STAT3: variants seen among roughly 807,000 people sequenced by gnomAD.
STAT3 encodes signal transducer and activator of transcription 3, also known as DNA-binding protein APRF.
Under a neutral mutation model 114.3 loss-of-function variants are expected in STAT3, and 7 were observed. That is an observed-to-expected ratio of 0.06 (90% CI 0.03 to 0.11). STAT3 has a LOEUF of 0.11. Among genes scored for constraint, STAT3 ranks in the 10% least tolerant of loss-of-function variants. The pLI is 1.00. For missense variants in STAT3, 364 were observed against 960.9 expected (o/e 0.38, Z 8.21); for synonymous variants, 331 against 354.5 (o/e 0.93, Z 0.74).
intron 1 of STAT3, among the ~76,000 whole-genome samples, chr17:42,367,636 C>T (rs374935377): frequency 2.6e-5 from 4 of 152,150 alleles, no homozygotes; most frequent in African/African-American, 7.2e-5. Flanking sequence ...TCTCTTGACA[C>T]CCCTCTATCT....
intron 1 of STAT3, among the ~76,000 whole-genome samples, chr17:42,386,687 T>G (rs1321118586): frequency 1.1e-4 from 17 of 152,180 alleles, no homozygotes; most frequent in Admixed American, 1.1e-3. Context: ...TGCACCACCA[T>G]GCCTGGCACT....
In STAT3 at chr17:42,348,552, G is replaced by A. The variant is rs1222539388; in HGVS notation, c.-23-13C>T. ...TCAGGGGTCCCAACTGTAAACCAAA[G>A]TGTGCATATGTTCACCACAAGTCCC... On this transcript the variant is annotated splice_polypyrimidine_tract_variant and intron_variant, in intron 1 of 23. Transcript: ENST00000264657. 4 of 1,612,212 alleles carry A rather than the reference G, an allele frequency of 2.5e-6. No individual in the cohort carries two copies. The highest frequency in any genetic ancestry group is 3.4e-6 in the Non-Finnish European group (4 of 1,179,886).
chr17:42,325,126 C>A, intron 15 of STAT3, 65 bp from the exon 16 acceptor site: 1 of 1,471,060 alleles, frequency 6.8e-7, no homozygotes. Flanking sequence ...GAAATCTCTT[C>A]ACCCGCATCT....
intron 4 of STAT3, among the ~76,000 whole-genome samples, chr17:42,343,998 G>A (rs2082573252): frequency 6.6e-6 from 1 of 152,060 alleles, no homozygotes; most frequent in Non-Finnish European, 1.5e-5. Context: ...TGCATAGGCT[G>A]GATCCCTCAG....
intron 1 of STAT3, among the ~76,000 whole-genome samples, chr17:42,373,421 A>C (rs1165194447): frequency 1.3e-5 from 2 of 152,028 alleles, no homozygotes; most frequent in Admixed American, 6.6e-5. Flanking sequence ...GTATGGTGGC[A>C]GGCACCTGTA....
rs567989174 is a variant in STAT3 at position 42,352,107 on chromosome 17, G to T, written c.-23-3568C>A. 9.1e-4 allele frequency among the ~76,000 whole-genome samples: 139 copies of T among 152,132 alleles called. 2 individuals are homozygous for T. Among genetic ancestry groups the T allele is most frequent in the African/African-American group, 3.0e-3 (123 of 41,524 alleles). ...TGTAATCCCAGAACTTTGGGAGGCCGAGGCGGGTGGATCACGAGGTCAGGA... is the reference window on the plus strand; with the variant it reads ...TGTAATCCCAGAACTTTGGGAGGCCTAGGCGGGTGGATCACGAGGTCAGGA... On this transcript the variant is annotated intron_variant, in intron 1 of 23. Transcript: ENST00000264657.
At chr17:42,376,706 C>T (rs920478220) in intron 1 of STAT3, among the ~76,000 whole-genome samples, 3 of 151,724 alleles carry the variant, frequency 2.0e-5, no homozygotes, top group African/African-American at 7.3e-5. Flanking sequence ...ATTAGCCGGG[C>T]ATTGTGACGG....
chr17:42,350,553 C>T (rs1318854024), intron 1 of STAT3, among the ~76,000 whole-genome samples: 1 of 152,126 alleles, frequency 6.6e-6, no homozygotes, highest in Non-Finnish European at 1.5e-5. Flanking sequence ...TCCCAAAGTG[C>T]TGGGATTACA....
At chr17:42,388,159 C>T (rs979103151) in intron 1 of STAT3, 120 bp downstream of exon 1, 5 of 1,149,578 alleles carry the variant, frequency 4.3e-6, no homozygotes, top group Non-Finnish European at 5.5e-6. Flanking sequence ...GTCTCTTCAT[C>T]TCTCCCGGCC....
Position 42,331,614 on chromosome 17 carries a change from T to A in STAT3, c.1050-83A>T, listed in dbSNP as rs2082014306. The A allele has an allele frequency of 3.4e-6, 4 of 1,181,182 alleles. No homozygotes were observed. In the East Asian group the frequency reaches 7.2e-5, roughly 21 times the overall value. The allele number at this position is 1,181,182 out of a possible 1,614,324, so 73.2% of individuals were successfully genotyped here. A position where few individuals can be genotyped will look rare whatever the true frequency, so the allele number is the denominator to read the frequency against. On this transcript the variant is annotated intron_variant, in intron 10 of 23. Transcript: ENST00000264657. ...CTTGAAGAAATGTAAAATTCATAATTCTTCATTTCCAACAGGTAAATAGGC... is the reference window on the plus strand; with the variant it reads ...CTTGAAGAAATGTAAAATTCATAATACTTCATTTCCAACAGGTAAATAGGC...
In STAT3 at chr17:42,388,289, G is replaced by C. The variant is rs1490322396; in HGVS notation, c.-34C>G. On this transcript the variant is annotated 5_prime_UTR_variant, in exon 1 of 24. Coordinates refer to ENST00000264657, the MANE Select transcript of STAT3 (RefSeq NM_139276.3). Reference sequence around the variant, plus strand: ...CTGCACCCCCTTCACCTGTTTCTCCGGCAGAGGCCGAGAGGCCGGGGCTGC... The same window carrying C: ...CTGCACCCCCTTCACCTGTTTCTCCCGCAGAGGCCGAGAGGCCGGGGCTGC... 4.9e-6 allele frequency: 6 copies of C among 1,231,702 alleles called. No homozygotes were observed. The highest frequency in any genetic ancestry group is 3.1e-5 in the African/African-American group (2 of 64,522). The allele number at this position is 1,231,702 out of a possible 1,614,324, so 76.3% of individuals were successfully genotyped here. A position where few individuals can be genotyped will look rare whatever the true frequency, so the allele number is the denominator to read the frequency against.
intron 8 of STAT3, among the ~76,000 whole-genome samples, chr17:42,336,553 G>A (rs527695410): frequency 1.2e-4 from 18 of 152,114 alleles, no homozygotes; most frequent in African/African-American, 4.3e-4. Flanking sequence ...AGCCATGACT[G>A]CATAACTGTA....
intron 1 of STAT3, among the ~76,000 whole-genome samples, chr17:42,379,899 T>C (rs2084679794): frequency 6.6e-6 from 1 of 152,222 alleles, no homozygotes; most frequent in South Asian, 2.1e-4. Flanking sequence ...ATTTAGTTTT[T>C]TTCCCATTAG....
Position 42,339,347 on chromosome 17 carries a change from C to T in STAT3, c.435G>A (p.Glu145=), listed in dbSNP as rs773889504. ...TCTTCCGGACATCCTGAAGGTGCTGCTCCAGCATCTGCTGCTTCTCCGTCA... is the reference window on the plus strand; with the variant it reads ...TCTTCCGGACATCCTGAAGGTGCTGTTCCAGCATCTGCTGCTTCTCCGTCA... ...AVVTEKQQML[E]QHLQDVRKRV... The change falls in exon 5 of 24, where the codon GAG becomes GAA. Residue 145 remains glutamate (E), a synonymous_variant. Coordinates refer to ENST00000264657, the MANE Select transcript of STAT3 (RefSeq NM_139276.3). 3.7e-6 allele frequency: 6 copies of T among 1,613,974 alleles called. No individual in the cohort carries two copies. In the East Asian group the frequency reaches 1.3e-4, roughly 36 times the overall value.
chr17:42,383,373 T>A (rs2084909435), intron 1 of STAT3, among the ~76,000 whole-genome samples: 1 of 151,700 alleles, frequency 6.6e-6, no homozygotes, highest in Non-Finnish European at 1.5e-5. Context: ...TGCCTTTTTT[T>A]TTTTTTTAAA....
intron 1 of STAT3, among the ~76,000 whole-genome samples, chr17:42,358,053 T>C (rs1013418601): frequency 1.3e-5 from 2 of 152,164 alleles, no homozygotes; most frequent in Admixed American, 6.5e-5. Context: ...CTTGTAAAAA[T>C]GAACATCAAT....
At chr17:42,334,101 G>A (rs1446068155) in intron 8 of STAT3, 52 bp from the exon 9 acceptor site, 1 of 1,606,258 alleles carries the variant, frequency 6.2e-7, no homozygotes, top group Non-Finnish European at 8.5e-7. Context: ...GTATACAGGT[G>A]AGATGGAGAA....
chr17:42,321,436 T>C (rs2081479076), intron 21 of STAT3, among the ~76,000 whole-genome samples: 1 of 152,172 alleles, frequency 6.6e-6, no homozygotes, highest in African/African-American at 2.4e-5. Flanking sequence ...AAATAATTTA[T>C]ATATAACATA....
intron 1 of STAT3, among the ~76,000 whole-genome samples, chr17:42,359,354 A>ATG (rs1312866491): frequency 1.3e-5 from 2 of 152,164 alleles, no homozygotes; most frequent in African/African-American, 2.4e-5. Context: ...AGTAAAATAC[A>ATG]TGCATTTCAA....
Sources: allele counts gnomAD v4.1 joint callset (sites outside exome capture counted in the v4.1 genomes callset), GRCh38; gene constraint gnomAD v4.1.1; transcripts MANE v1.5; gene names NCBI Gene and HGNC (gene_info 2026-07-23, HGNC 2026-07-21).